APOB: variants seen among roughly 807,000 people sequenced by gnomAD.
APOB encodes apolipoprotein B.
APOB carries 153 observed loss-of-function variants against 314.1 expected under a neutral mutation model. The observed-to-expected ratio is 0.49, with a 90% CI of 0.43 to 0.56. APOB has a LOEUF of 0.56. Among genes scored for constraint, APOB ranks in the 20% least tolerant of loss-of-function variants. The pLI is 0.00. For missense variants in APOB, 5,430 were observed against 5,350.7 expected (o/e 1.01, Z -0.46); for synonymous variants, 2,087 against 2,036.4 (o/e 1.02, Z -0.67).
chr2:21,033,542 G>A, intron 8 of APOB, 24 bp from the exon 9 acceptor site: 2 of 1,586,052 alleles, frequency 1.3e-6, no homozygotes, highest in South Asian at 2.2e-5. Context: ...AGTGTCAAAG[G>A]AACTCTAGCT....
chr2:21,030,152 T>G (rs1387746541), intron 10 of APOB, 137 bp from the exon 11 acceptor site: 7 of 670,902 alleles, frequency 1.0e-5, no homozygotes, highest in Non-Finnish European at 1.8e-5. Flanking sequence ...GAAGCAATTT[T>G]AAGCAAAAAG....
chr2:21,037,312 C>T, intron 5 of APOB, 57 bp from the exon 6 acceptor site: 1 of 1,517,638 alleles, frequency 6.6e-7, no homozygotes, highest in Non-Finnish European at 9.1e-7. Flanking sequence ...TCCTTGGGTA[C>T]TTGGGAGGGA....
rs1333807945 is a variant in APOB at position 21,034,959 on chromosome 2, T to C, written c.819-58A>G. On this transcript the variant is annotated intron_variant, in intron 7 of 28. Transcript: ENST00000233242. ...TGGCCAGAACATACTATTCTTTCCA[T>C]GTTGAAGGTTTTCCCTGTCTCTGCA... is the stretch of plus-strand genomic sequence containing the variant. 5.7e-5 allele frequency: 51 copies of C among 894,844 alleles called. No homozygotes were observed. In the Admixed American group the frequency reaches 7.9e-4, roughly 14 times the overall value. The allele number at this position is 894,844 out of a possible 1,614,324, so 55.4% of individuals were successfully genotyped here.
chr2:21,019,915 A>C lies in APOB; in HGVS notation c.2817-10T>G. The stretch of plus-strand genomic sequence containing the variant: ...CAAATGTAATGTGTTGCTGGTGAAG[A>C]ACAAAAATACCTGAGTTATTGCCAA... On this transcript the variant is annotated splice_polypyrimidine_tract_variant and intron_variant, in intron 18 of 28. Coordinates refer to ENST00000233242, the MANE Select transcript of APOB (RefSeq NM_000384.3). The C allele has an allele frequency of 6.2e-7, 1 of 1,614,056 alleles. No individual in the cohort carries two copies. The highest frequency in any genetic ancestry group is 1.1e-5 in the South Asian group (1 of 91,072).
intron 20 of APOB, 37 bp downstream of exon 20, chr2:21,018,955 C>A (rs767547044): frequency 4.3e-6 from 7 of 1,613,310 alleles, no homozygotes; most frequent in South Asian, 2.2e-5. Context: ...CCTGAGACTG[C>A]GAGCAGAGAT....
chr2:21,025,715 C>G (rs574924919), intron 15 of APOB, among the ~76,000 whole-genome samples: 22 of 152,118 alleles, frequency 1.4e-4, no homozygotes, highest in African/African-American at 5.3e-4. Flanking sequence ...CAACAGTGAG[C>G]CTGGAGGGGT....
intron 20 of APOB, 53 bp from the exon 21 acceptor site, chr2:21,016,702 G>GA (rs1383440535): frequency 7.8e-7 from 1 of 1,283,464 alleles, no homozygotes; most frequent in Non-Finnish European, 1.1e-6. Flanking sequence ...GCTATGTTTT[G>GA]GGCCGGGTGC....
In APOB at chr2:21,002,749, C is replaced by G. The variant is rs1259237355; in HGVS notation, c.12673G>C (p.Gly4225Arg). Residue 4225 changes from glycine to arginine, a missense_variant, in exon 29 of 29, where the codon GGG becomes CGG. By Grantham distance (125) the Gly-to-Arg change is moderately radical. Transcript: ENST00000233242. ...ELCTMFIREV[G>R]TVLSQVYSKV... ...GAATATACCTGGGACAGTACCGTCCCTACCTCCCTTATGAACATAGTGCAA... is the reference window on the plus strand; with the variant it reads ...GAATATACCTGGGACAGTACCGTCCGTACCTCCCTTATGAACATAGTGCAA... The G allele has an allele frequency of 6.2e-7, 1 of 1,610,354 alleles. No individual in the cohort carries two copies. The highest frequency in any genetic ancestry group is 1.7e-5 in the Admixed American group (1 of 59,754).
rs781016611 is a variant in APOB at position 21,013,236 on chromosome 2, T to G, written c.4140A>C (p.Thr1380=). ...SASYSGGNTS[T]DHFSLRARYH... ...AACGAGCCCGAAGGCTGAAATGGTC[T>G]GTGCTGGTGTTGCCACCACTGTAGG... Residue 1380 remains threonine, a synonymous_variant, in exon 25 of 29, where the codon ACA becomes ACC. Transcript: ENST00000233242. The G allele has an allele frequency of 4.3e-6, 7 of 1,614,094 alleles. No homozygotes were observed. The African/African-American group carries it at 8.0e-5, about 18-fold the overall frequency.
At chr2:21,027,132 A>T (rs958782417) in intron 14 of APOB, among the ~76,000 whole-genome samples, 168 bp from the exon 15 acceptor site, 2 of 152,200 alleles carry the variant, frequency 1.3e-5, no homozygotes, top group Middle Eastern at 3.2e-3. Flanking sequence ...TCTCACTAGA[A>T]TCTTGACCTT....
intron 2 of APOB, among the ~76,000 whole-genome samples, chr2:21,043,188 C>T (rs1664174565): frequency 6.6e-6 from 1 of 151,902 alleles, no homozygotes. Context: ...TATTTCCTCA[C>T]CCTCACATGC....
At position 21,002,482 on chromosome 2, in the gene APOB, T is replaced by C. The variant is rs72654423; in HGVS notation, c.12940A>G (p.Ile4314Val). The C allele has an allele frequency of 7.7e-3, 12,338 of 1,611,112 alleles. 75 individuals are homozygous for C. The highest frequency in any genetic ancestry group is 9.5e-3 in the Non-Finnish European group (11,154 of 1,177,666). ...AATTTCATCTCTTTCAGCTGTTTAATGTTATCTTCTATTAGTTGGAAAATG... is the reference window on the plus strand; with the variant it reads ...AATTTCATCTCTTTCAGCTGTTTAACGTTATCTTCTATTAGTTGGAAAATG... ...QFIFQLIEDNIKQLKEMKFTY... is the reference protein window; with the variant it reads ...QFIFQLIEDNVKQLKEMKFTY... The change falls in exon 29 of 29, where the codon ATT becomes GTT. Residue 4314 changes from isoleucine to valine, a missense_variant. Physicochemically the swap from Ile to Val is conservative, Grantham distance 29. Coordinates refer to ENST00000233242, the MANE Select transcript of APOB (RefSeq NM_000384.3).
At chr2:21,003,362 A>G (rs753631768) in intron 28 of APOB, 28 bp from the exon 29 acceptor site, 1 of 1,583,170 alleles carries the variant, frequency 6.3e-7, no homozygotes, top group Admixed American at 1.7e-5. Context: ...AAAAAATAAC[A>G]TGTTTTCAAT....
chr2:21,022,969 T>C lies in APOB; in HGVS notation c.2678A>G (p.Asp893Gly). The change falls in exon 18 of 29, where the codon GAC becomes GGC. Residue 893 changes from aspartate to glycine, a missense_variant. Physicochemically the swap from Asp to Gly is moderately conservative, Grantham distance 94. This residue lies in a region of APOB where 2,085 missense variants were observed against 2,079.7 expected (regional missense o/e 1.00). Coordinates refer to ENST00000233242, the MANE Select transcript of APOB (RefSeq NM_000384.3). ...FVTNMGIIIP[D>G]FARSGVQMNT... is the part of the protein sequence containing the mutation. ...CATCTGGACCCCACTCCTAGCGAAG[T>C]CCGGAATGATGATGCCCATATTTGT... The C allele has an allele frequency of 6.2e-7, 1 of 1,614,136 alleles. No homozygotes were observed. Among genetic ancestry groups the C allele is most frequent in the Non-Finnish European group, 8.5e-7 (1 of 1,180,040 alleles).
At chr2:21,019,973 A>G (rs1254878336) in intron 18 of APOB, 68 bp from the exon 19 acceptor site, 5 of 1,501,962 alleles carry the variant, frequency 3.3e-6, no homozygotes, top group Non-Finnish European at 3.7e-6. Flanking sequence ...ACAAATTCTC[A>G]GGGTGCAAAT....
rs115755929 is a variant in APOB, at chr2:21,017,173, C to T, written c.3122-524G>A. On this transcript the variant is annotated intron_variant, in intron 20 of 28. Transcript: ENST00000233242. ...TTCTCATTAAAATTTTTTAATGGGT[C>T]TCATTTACTGATAATTTTAAACTCA... Among the ~76,000 whole-genome samples the T allele has an allele frequency of 2.1e-3, 318 of 151,468 alleles. 1 individual carries two copies. Among genetic ancestry groups the T allele is most frequent in the African/African-American group, 7.3e-3 (301 of 41,310 alleles).
rs770273010 is a variant in APOB at position 21,001,712 on chromosome 2, A to C, written c.*18T>G. On this transcript the variant is annotated 3_prime_UTR_variant, in exon 29 of 29. Coordinates refer to ENST00000233242, the MANE Select transcript of APOB (RefSeq NM_000384.3). ...TTCAATTGGAAAAGAAGAATAAATG[A>C]AGATTTCTTTTAAAAAATTAGAGGA... 3.1e-6 allele frequency: 5 copies of C among 1,611,172 alleles called. No individual in the cohort carries two copies. In the South Asian group the frequency reaches 5.5e-5, roughly 18 times the overall value.
chr2:21,032,772 T>A (rs1663912831), intron 9 of APOB, among the ~76,000 whole-genome samples, 191 bp from the exon 10 acceptor site: 1 of 152,032 alleles, frequency 6.6e-6, no homozygotes, highest in African/African-American at 2.4e-5. Context: ...AGAAGCCCAA[T>A]CGAGAAAAGT....
chr2:21,022,818 C>G lies in APOB; in HGVS notation c.2816+13G>C. The G allele has an allele frequency of 6.2e-7, 1 of 1,613,372 alleles. No individual in the cohort carries two copies. The highest frequency in any genetic ancestry group is 8.5e-7 in the Non-Finnish European group (1 of 1,179,454). On this transcript the variant is annotated intron_variant, in intron 18 of 28. Transcript: ENST00000233242. The stretch of plus-strand genomic sequence containing the variant: ...TTTCAAACTGGCTAGGCAGACTTGG[C>G]TGAAAGAATTACCCTCCACTGAGCA...
Sources: gnomAD v4.1 joint callset for allele counts (sites outside exome capture counted in the v4.1 genomes callset) on GRCh38, gnomAD v4.1.1 for gene constraint, gnomAD v4.1.1 regional missense constraint, MANE v1.5 for transcripts, NCBI Gene and HGNC (gene_info 2026-07-23, HGNC 2026-07-21) for gene names.